Variants in NRG1 observed in about 807,000 individuals in gnomAD.
NRG1 encodes the protein pro-neuregulin-1, membrane-bound isoform.
A neutral mutation model predicts 63.8 loss-of-function variants in NRG1; 18 were observed. That is an observed-to-expected ratio of 0.28 (90% CI 0.19 to 0.42). The LOEUF is 0.42. Ranked by LOEUF, NRG1 falls within the 10% of genes least tolerant of loss-of-function variation. NRG1 has a pLI of 1.00. For missense variants in NRG1, 762 were observed against 814.7 expected, an observed-to-expected ratio of 0.94 and a Z score of 0.79; for synonymous variants, 302 against 301.3, an observed-to-expected ratio of 1.00 and a Z score of -0.02.
At chr8:31,852,482 T>G (rs1167973225) in intron 1 of NRG1, among the ~76,000 whole-genome samples, 1 of 152,160 alleles carries the variant, frequency 6.6e-6, no homozygotes, top group Non-Finnish European at 1.5e-5. Flanking sequence ...TAAATTTGTT[T>G]GAGTTCATTG....
chr8:32,618,683 C>T (rs1031527437), intron 5 of NRG1, among the ~76,000 whole-genome samples: 2 of 152,066 alleles, frequency 1.3e-5, no homozygotes, highest in Non-Finnish European at 2.9e-5. Flanking sequence ...TTCATGAACA[C>T]ATTTTTTTGT....
chr8:32,403,299 C>CA (rs68127664), intron 1 of NRG1, among the ~76,000 whole-genome samples: 234 of 89,750 alleles, frequency 2.6e-3, no homozygotes, highest in African/African-American at 9.1e-3. Flanking sequence ...CACTCTGTCT[C>CA]AAAAAAAAAA....
At chr8:32,766,027 G>A (rs1313693394) in exon 12 of NRG1, 2 of 152,204 alleles carry the variant, frequency 1.3e-5, no homozygotes, top group Non-Finnish European at 2.9e-5. Context: ...GGCCTCCTAG[G>A]AACCATGGGA....
chr8:32,560,890 T>G (rs1451577730), intron 1 of NRG1, among the ~76,000 whole-genome samples: 1 of 152,228 alleles, frequency 6.6e-6, no homozygotes, highest in Non-Finnish European at 1.5e-5. Flanking sequence ...TTTGCTATGT[T>G]AAGAGTTTGT....
At chr8:31,660,318 C>T (rs1194346947) in intron 1 of NRG1, among the ~76,000 whole-genome samples, 1 of 152,098 alleles carries the variant, frequency 6.6e-6, no homozygotes, top group Non-Finnish European at 1.5e-5. Flanking sequence ...CAGGATTAAG[C>T]CACCATATCT....
At chr8:32,347,627 G>A (rs1805077537) in intron 1 of NRG1, among the ~76,000 whole-genome samples, 1 of 152,148 alleles carries the variant, frequency 6.6e-6, no homozygotes, top group Non-Finnish European at 1.5e-5. Flanking sequence ...AAAACATGAA[G>A]GTCTGTAGCC....
chr8:32,061,796 C>G (rs1345363480), intron 1 of NRG1: 3 of 151,940 alleles, frequency 2.0e-5, no homozygotes, highest in Non-Finnish European at 4.4e-5. Flanking sequence ...AAGACCCTTG[C>G]TACATAGAGA....
intron 1 of NRG1, among the ~76,000 whole-genome samples, chr8:32,050,677 C>T (rs985719198): frequency 2.0e-5 from 3 of 152,090 alleles, no homozygotes; most frequent in Admixed American, 1.3e-4. Flanking sequence ...CATTCTCCTC[C>T]GTACCCAAAG....
intron 1 of NRG1, among the ~76,000 whole-genome samples, chr8:32,093,046 A>T (rs1829408485): frequency 6.6e-6 from 1 of 152,142 alleles, no homozygotes; most frequent in Non-Finnish European, 1.5e-5. Flanking sequence ...GTCTTTAAGG[A>T]TGTGGGGAAA....
At chr8:32,341,215 T>C (rs1768553307) in intron 1 of NRG1, among the ~76,000 whole-genome samples, 1 of 152,190 alleles carries the variant, frequency 6.6e-6, no homozygotes, top group South Asian at 2.1e-4. Flanking sequence ...GAATTCCAGA[T>C]AGGTCTCTTA....
At chr8:32,642,067 A>C (rs1473610669) in intron 5 of NRG1, among the ~76,000 whole-genome samples, 1 of 152,214 alleles carries the variant, frequency 6.6e-6, no homozygotes, top group Non-Finnish European at 1.5e-5. Flanking sequence ...AAATTAATTC[A>C]AGGCATACTT....
At chr8:31,732,943 C>T (rs748042612) in intron 1 of NRG1, among the ~76,000 whole-genome samples, 3 of 152,090 alleles carry the variant, frequency 2.0e-5, no homozygotes, top group Non-Finnish European at 4.4e-5. Flanking sequence ...AATAATTTCT[C>T]ATTATTTATT....
intron 1 of NRG1, among the ~76,000 whole-genome samples, chr8:32,436,792 C>T (rs1023123858): frequency 7.9e-5 from 12 of 151,970 alleles, no homozygotes; most frequent in African/African-American, 2.9e-4. Context: ...TCTTATAGTG[C>T]TTCATAGTAT....
intron 1 of NRG1, among the ~76,000 whole-genome samples, chr8:32,075,754 C>G (rs1272876348): frequency 6.6e-6 from 1 of 151,878 alleles, no homozygotes; most frequent in Admixed American, 6.5e-5. Context: ...CTCACTGCAA[C>G]CTCCACCTCC....
intron 1 of NRG1, among the ~76,000 whole-genome samples, chr8:32,500,767 G>A (rs1827763461): frequency 1.3e-5 from 2 of 152,172 alleles, no homozygotes; most frequent in South Asian, 2.1e-4. Flanking sequence ...GTAGCTTTTA[G>A]AAAGGGTTTC....
At chr8:32,436,162 T>TA (rs1489068482) in intron 1 of NRG1, among the ~76,000 whole-genome samples, 1 of 152,072 alleles carries the variant, frequency 6.6e-6, no homozygotes, top group Non-Finnish European at 1.5e-5. Flanking sequence ...AGGCACATCT[T>TA]ACATGGCAGC....
At chr8:32,737,073 G>A (rs1825257723) in intron 6 of NRG1, among the ~76,000 whole-genome samples, 3 of 152,130 alleles carry the variant, frequency 2.0e-5, no homozygotes, top group Non-Finnish European at 4.4e-5. Context: ...CAGAAGTTTG[G>A]TTAGTAGAAT....
chr8:31,881,535 C>T lies in NRG1; in HGVS notation c.37+242104C>T, dbSNP rs183251592. ...TAACTGTTCAAGTGTAAGGAAGAGT[C>T]ACACATCTTTCACTTTAAACCAAAA... On this transcript the variant is annotated intron_variant, in intron 1 of 10. Transcript: ENST00000519301. Among the ~76,000 whole-genome samples, 77 of 152,278 alleles carry T rather than the reference C, an allele frequency of 5.1e-4. 1 individual carries two copies. Among genetic ancestry groups the T allele is most frequent in the African/African-American group, 1.6e-3 (67 of 41,558 alleles).
At chr8:32,432,374 C>T (rs1054487009) in intron 1 of NRG1, among the ~76,000 whole-genome samples, 2 of 152,066 alleles carry the variant, frequency 1.3e-5, no homozygotes, top group African/African-American at 4.8e-5. Context: ...CTCCCTTTTA[C>T]AAAAAAAGAA....
Sources: allele counts gnomAD v4.1 joint callset (sites outside exome capture counted in the v4.1 genomes callset), GRCh38; gene constraint gnomAD v4.1.1; transcripts MANE v1.5; gene names NCBI Gene and HGNC (gene_info 2026-07-23, HGNC 2026-07-21).